The following ARHGEF7 variants were observed in gnomAD, a reference collection of about 807,000 sequenced individuals.
ARHGEF7 encodes PAK-interacting exchange factor beta.
A neutral mutation model predicts 109.8 loss-of-function variants in ARHGEF7; 33 were observed. The ratio of observed to expected loss-of-function variants is 0.30; its 90% CI spans 0.23 to 0.40. The LOEUF (loss-of-function observed/expected upper bound fraction) is 0.40. Ranked by LOEUF, ARHGEF7 falls within the 10% of genes least tolerant of loss-of-function variation. ARHGEF7 has a pLI of 1.00. For missense variants in ARHGEF7, 938 were observed against 1,098.5 expected, an observed-to-expected ratio of 0.85 and a Z score of 2.07; for synonymous variants, 458 against 424.6, an observed-to-expected ratio of 1.08 and a Z score of -0.97.
At chr13:111,292,466 G>A in intron 19 of ARHGEF7, 172 bp downstream of exon 19, 1 of 1,442,160 alleles carries the variant, frequency 6.9e-7, no homozygotes, top group Non-Finnish European at 9.1e-7. Flanking sequence ...ATTTCCCATT[G>A]TACTTTGTGG....
intron 8 of ARHGEF7, among the ~76,000 whole-genome samples, chr13:111,260,587 G>A (rs1472301579): frequency 6.6e-6 from 1 of 152,204 alleles, no homozygotes; most frequent in East Asian, 1.9e-4. Context: ...ATTAACACCA[G>A]CCCTGTTCTA....
Position 111,200,060 on chromosome 13 carries a change from C to T in ARHGEF7, c.253-5229C>T, listed in dbSNP as rs140871235. 8.8e-4 allele frequency among the ~76,000 whole-genome samples: 134 copies of T among 152,254 alleles called. 2 individuals are homozygous for T. The East Asian group carries it at 0.021, about 24-fold the overall frequency. On this transcript the variant is annotated intron_variant, in intron 2 of 21. Transcript: ENST00000646102. ...TTGCTTTCTGCCGCCGTGGACTACT[C>T]GGTGACTCCTCCTCCTCTTCCTCAA... is the stretch of plus-strand genomic sequence containing the variant.
chr13:111,254,681 G>T, intron 8 of ARHGEF7, among the ~76,000 whole-genome samples: 1 of 26,868 alleles, frequency 3.7e-5, no homozygotes, highest in Non-Finnish European at 7.2e-5. Context: ...TAACGTGAAG[G>T]CCGGGCCCAG....
intron 1 of ARHGEF7, among the ~76,000 whole-genome samples, chr13:111,124,672 T>C (rs986499702): frequency 6.6e-6 from 1 of 152,238 alleles, no homozygotes; most frequent in Non-Finnish European, 1.5e-5. Context: ...GGATGGGACC[T>C]TCTAGTCTCT....
intron 1 of ARHGEF7, among the ~76,000 whole-genome samples, chr13:111,133,779 A>G (rs1198566235): frequency 2.8e-5 from 1 of 35,922 alleles, no homozygotes; most frequent in African/African-American, 8.2e-5. Context: ...ATATATATAT[A>G]TATATATATA....
Position 111,303,240 on chromosome 13 carries a change from A to G in ARHGEF7, c.*127A>G, listed in dbSNP as rs2153638910. On this transcript the variant is annotated 3_prime_UTR_variant, in exon 22 of 22. Transcript: ENST00000646102. The stretch of plus-strand genomic sequence containing the variant: ...TGGGGCGCCACCTTGCTCTCTGTAT[A>G]TAGAAAAGCTGGAGCTTATTCTGCG... 3 of 891,754 alleles carry G rather than the reference A, an allele frequency of 3.4e-6. No individual in the cohort carries two copies. The highest frequency in any genetic ancestry group is 4.9e-6 in the Non-Finnish European group (3 of 606,606). 55.2% of individuals were successfully genotyped at this position (891,754 alleles called of 1,614,324 possible).
rs1028640458 is a variant in ARHGEF7 at position 111,131,956 on chromosome 13, C to T, written c.165+16265C>T. On this transcript the variant is annotated intron_variant, in intron 1 of 21. Coordinates refer to ENST00000646102, the MANE Select transcript of ARHGEF7 (RefSeq NM_001354046.2). The surrounding 1 kb of genome is among the most constrained non-coding windows in gnomAD (Gnocchi z 4.4). ...GTGGAGTATGAGAGAGGGGTGGACT[C>T]AGTGAGGGGGTGGACCGTGAGCCCT... is the stretch of plus-strand genomic sequence containing the variant. Among the ~76,000 whole-genome samples, 2 of 152,064 alleles carry T rather than the reference C, an allele frequency of 1.3e-5. No homozygotes were observed. The highest frequency in any genetic ancestry group is 1.3e-4 in the Admixed American group (2 of 15,272).
intron 1 of ARHGEF7, 92 bp from the exon 2 acceptor site, chr13:111,153,813 G>C (rs888662997): frequency 6.7e-7 from 1 of 1,492,264 alleles, no homozygotes; most frequent in Non-Finnish European, 8.8e-7. Context: ...CGCCCGCTGT[G>C]TTGGGAGCGC....
intron 2 of ARHGEF7, among the ~76,000 whole-genome samples, chr13:111,159,953 A>G (rs1369908144): frequency 2.6e-5 from 4 of 152,146 alleles, no homozygotes; most frequent in African/African-American, 7.2e-5. Flanking sequence ...GGAGCTTTCC[A>G]TGGTGCTTAT....
intron 1 of ARHGEF7, among the ~76,000 whole-genome samples, chr13:111,138,939 G>A (rs1425856410): frequency 6.6e-6 from 1 of 152,138 alleles, no homozygotes; most frequent in African/African-American, 2.4e-5. Context: ...GACCGTGGCT[G>A]CTTTCATGAA....
chr13:111,269,677 G>T (rs1339211578), intron 9 of ARHGEF7, among the ~76,000 whole-genome samples: 1 of 152,148 alleles, frequency 6.6e-6, no homozygotes, highest in South Asian at 2.1e-4. Context: ...GGGAGTCAGA[G>T]CTGCGGCGAG....
chr13:111,199,241 T>A (rs2080932019), intron 2 of ARHGEF7, among the ~76,000 whole-genome samples: 1 of 152,236 alleles, frequency 6.6e-6, no homozygotes, highest in East Asian at 1.9e-4. Flanking sequence ...GCAGCCATAC[T>A]GTCTGCTGCA....
At chr13:111,278,955 T>C (rs867553691) in intron 13 of ARHGEF7, among the ~76,000 whole-genome samples, 13 of 152,332 alleles carry the variant, frequency 8.5e-5, no homozygotes, top group Middle Eastern at 3.4e-3. Context: ...ATTTTATTTT[T>C]CCATTCTTAG....
chr13:111,141,172 A>C (rs1028257042), intron 1 of ARHGEF7, among the ~76,000 whole-genome samples: 3 of 152,176 alleles, frequency 2.0e-5, no homozygotes, highest in Non-Finnish European at 4.4e-5. Context: ...ACTAAAGTTC[A>C]CAGTTTCCAT....
At chr13:111,183,787 T>G (rs2078984328) in intron 2 of ARHGEF7, among the ~76,000 whole-genome samples, 1 of 152,184 alleles carries the variant, frequency 6.6e-6, no homozygotes, top group African/African-American at 2.4e-5. Flanking sequence ...TTTATAATTT[T>G]CAATTTTTTA....
intron 6 of ARHGEF7, among the ~76,000 whole-genome samples, chr13:111,233,920 TTGTACCTAAGCTTA>T (rs1485731013): frequency 6.6e-6 from 1 of 152,250 alleles, no homozygotes; most frequent in South Asian, 2.1e-4. Context: ...TAAACCTTCT[TTGTACCTAAGCTTA>T]TGTAGCAATT....
At position 111,244,024 on chromosome 13, in the gene ARHGEF7, CTT is replaced by C. The variant is rs1354792797; in HGVS notation, c.854+59_854+60del. The C allele has an allele frequency of 2.1e-6, 3 of 1,433,300 alleles. No individual in the cohort carries two copies. The East Asian group carries it at 6.9e-5, about 33-fold the overall frequency. 88.8% of individuals were successfully genotyped at this position (1,433,300 alleles called of 1,614,324 possible). The stretch of plus-strand genomic sequence containing the variant: ...AATAGTCTAAACCTTAGGCTGTTCT[CTT>C]CTATTTTCAGAGAATAGAGGGTTAA... On this transcript the variant is annotated intron_variant, in intron 7 of 21. Transcript: ENST00000646102.
chr13:111,240,842 C>CA (rs910521362), intron 6 of ARHGEF7, among the ~76,000 whole-genome samples: 43 of 151,642 alleles, frequency 2.8e-4, no homozygotes, highest in African/African-American at 1.0e-3. Flanking sequence ...ACAGATGAAA[C>CA]AAAAAAAATT....
Position 111,255,791 on chromosome 13 carries a change from A to C in ARHGEF7, c.950+11497A>C, listed in dbSNP as rs1004965553. On this transcript the variant is annotated intron_variant, in intron 8 of 21. Coordinates refer to ENST00000646102, the MANE Select transcript of ARHGEF7 (RefSeq NM_001354046.2). The surrounding 1 kb of genome is among the most constrained non-coding windows in gnomAD (Gnocchi z 4.1). ...CGGGGACATTTTATGACTGTCTTTA[A>C]CTGGGGGATATTTTTCCTGTGGAAG... Among the ~76,000 whole-genome samples the C allele has an allele frequency of 6.6e-6, 1 of 152,116 alleles. No individual in the cohort carries two copies. Among genetic ancestry groups the C allele is most frequent in the African/African-American group, 2.4e-5 (1 of 41,414 alleles).
Sources: gnomAD v4.1 joint callset for allele counts (sites outside exome capture counted in the v4.1 genomes callset) on GRCh38, gnomAD v4.1.1 for gene constraint, Gnocchi (gnomAD v3.1) non-coding constraint, MANE v1.5 for transcripts, NCBI Gene and HGNC (gene_info 2026-07-23, HGNC 2026-07-21) for gene names.